ATP2C2: variants seen among roughly 807,000 people sequenced by gnomAD.
ATP2C2 encodes the protein ATPase secretory pathway Ca2+ transporting 2, also known as calcium-transporting ATPase type 2C member 2.
ATP2C2 carries 171 observed loss-of-function variants against 110.8 expected under a neutral mutation model. That is an observed-to-expected ratio of 1.54 (90% CI 1.36 to 1.75). The LOEUF (loss-of-function observed/expected upper bound fraction) is 1.75. ATP2C2 is among the 40% of genes most tolerant of loss of function. The pLI is 0.00. For missense variants in ATP2C2, 1,963 were observed against 1,235.0 expected (o/e 1.59, Z -8.84); for synonymous variants, 804 against 508.4 (o/e 1.58, Z -7.82).
intron 6 of ATP2C2, among the ~76,000 whole-genome samples, chr16:84,412,615 G>A (rs1906477209): frequency 6.6e-6 from 1 of 151,974 alleles, no homozygotes; most frequent in African/African-American, 2.4e-5. Context: ...CTCAGTCTGG[G>A]AAAACAGCTC....
At chr16:84,436,732 C>T (rs1474722468) in intron 11 of ATP2C2, among the ~76,000 whole-genome samples, 1 of 151,192 alleles carries the variant, frequency 6.6e-6, no homozygotes, top group East Asian at 2.0e-4. Context: ...CTCAAAATCT[C>T]TCCTCCCCCT....
At chr16:84,424,560 G>C (rs1907631115) in intron 10 of ATP2C2, among the ~76,000 whole-genome samples, 1 of 132,290 alleles carries the variant, frequency 7.6e-6, no homozygotes, top group Non-Finnish European at 1.6e-5. Flanking sequence ...TTACAGGCAT[G>C]AGCCACCGCA....
At chr16:84,412,323 T>TAC (rs1906397062) in intron 6 of ATP2C2, among the ~76,000 whole-genome samples, 1 of 88,488 alleles carries the variant, frequency 1.1e-5, no homozygotes, top group African/African-American at 3.8e-5. Flanking sequence ...CACGTGTGTG[T>TAC]GCGTGTGTGT....
chr16:84,383,735 C>CTG (rs143797673), intron 1 of ATP2C2, among the ~76,000 whole-genome samples: 25 of 137,684 alleles, frequency 1.8e-4, no homozygotes, highest in Admixed American at 6.6e-4. Flanking sequence ...CTGAATACAT[C>CTG]TGTGTGTGTG....
At chr16:84,447,731 TATTA>T (rs1275669894) in intron 16 of ATP2C2, among the ~76,000 whole-genome samples, 4 of 146,214 alleles carry the variant, frequency 2.7e-5, no homozygotes, top group African/African-American at 7.5e-5. Context: ...TATAAGAATA[TATTA>T]GTTATATATA....
chr16:84,409,842 G>T (rs115674144), intron 4 of ATP2C2, among the ~76,000 whole-genome samples: 1 of 152,028 alleles, frequency 6.6e-6, no homozygotes, highest in Non-Finnish European at 1.5e-5. Flanking sequence ...ACTTCTTTCC[G>T]TTTGTTCCAG....
At chr16:84,448,322 G>C (rs1909945151) in intron 16 of ATP2C2, among the ~76,000 whole-genome samples, 1 of 152,320 alleles carries the variant, frequency 6.6e-6, no homozygotes, top group South Asian at 2.1e-4. Flanking sequence ...GATTGGCCTT[G>C]TTCTTTCTCT....
At chr16:84,390,650 T>G (rs146493714) in intron 1 of ATP2C2, among the ~76,000 whole-genome samples, 567 of 152,236 alleles carry the variant, frequency 3.7e-3, no homozygotes, top group Non-Finnish European at 6.3e-3. Flanking sequence ...GCCTGCTTCC[T>G]GGGCACAGGA....
Position 84,423,204 on chromosome 16 carries a change from T to C in ATP2C2, c.860T>C (p.Leu287Ser). 6.2e-7 allele frequency: 1 copy of C among 1,614,150 alleles called. No homozygotes were observed. The highest frequency in any genetic ancestry group is 8.5e-7 in the Non-Finnish European group (1 of 1,179,998). The stretch of plus-strand genomic sequence containing the variant: ...CCCTTTCAGACACCTAAAACTCCTT[T>C]GCAGAAAAGCATGGACAGGCTAGGA... ...MQAEETPKTP[L>S]QKSMDRLGKQ... The change falls in exon 10 of 27, where the codon TTG becomes TCG. Residue 287 changes from leucine to serine, a missense_variant. Coordinates refer to ENST00000262429, the MANE Select transcript of ATP2C2 (RefSeq NM_014861.4).
At chr16:84,431,362 G>C (rs570607717) in intron 11 of ATP2C2, among the ~76,000 whole-genome samples, 2 of 152,250 alleles carry the variant, frequency 1.3e-5, no homozygotes, top group African/African-American at 4.8e-5. Flanking sequence ...GGGCATGGTG[G>C]TGTGTACCTG....
intron 7 of ATP2C2, among the ~76,000 whole-genome samples, chr16:84,419,923 C>T (rs1907177056): frequency 1.3e-5 from 2 of 152,168 alleles, no homozygotes; most frequent in South Asian, 4.1e-4. Context: ...TGGCCTGGTG[C>T]ACTCAGGGAG....
At chr16:84,399,849 C>T (rs1033540725) in intron 2 of ATP2C2, among the ~76,000 whole-genome samples, 1 of 152,160 alleles carries the variant, frequency 6.6e-6, no homozygotes, top group Admixed American at 6.5e-5. Flanking sequence ...CCAGCAAATA[C>T]TAGGTCTTAT....
intron 1 of ATP2C2, among the ~76,000 whole-genome samples, chr16:84,390,705 G>C (rs887909094): frequency 6.6e-6 from 1 of 152,158 alleles, no homozygotes; most frequent in Admixed American, 6.5e-5. Context: ...TGAGCTCCAC[G>C]TGGTGCCTGC....
chr16:84,375,293 G>A (rs1247935767), intron 1 of ATP2C2, among the ~76,000 whole-genome samples: 3 of 152,146 alleles, frequency 2.0e-5, no homozygotes, highest in African/African-American at 7.2e-5. Context: ...TGTAATCCCA[G>A]CACTTTGGGA....
intron 23 of ATP2C2, chr16:84,460,213 A>C (rs1049580682): frequency 4.6e-6 from 1 of 217,124 alleles, no homozygotes; most frequent in Admixed American, 5.3e-5. Flanking sequence ...TCACCCGGCC[A>C]CTCCCACCAT....
chr16:84,414,869 G>A (rs993429190), intron 6 of ATP2C2, among the ~76,000 whole-genome samples: 5 of 152,112 alleles, frequency 3.3e-5, no homozygotes, highest in African/African-American at 1.2e-4. Flanking sequence ...GAGCAGGAGG[G>A]GGTTGGGATC....
In ATP2C2 at chr16:84,462,182, C is replaced by T. The variant is rs906948560; in HGVS notation, c.2722+53C>T. Reference sequence around the variant, plus strand: ...TGACCTCGACCAGGGCCATGGGGGGCGGCAGCTGCCAGGTGGGGAGCTGCA... The same window carrying T: ...TGACCTCGACCAGGGCCATGGGGGGTGGCAGCTGCCAGGTGGGGAGCTGCA... On this transcript the variant is annotated intron_variant, in intron 26 of 26. Coordinates refer to ENST00000262429, the MANE Select transcript of ATP2C2 (RefSeq NM_014861.4). 126 of 1,575,728 alleles carry T rather than the reference C, an allele frequency of 8.0e-5. 1 individual carries two copies. Among genetic ancestry groups the T allele is most frequent in the African/African-American group, 5.9e-4 (44 of 74,020 alleles).
At chr16:84,454,322 T>A (rs1244977914) in intron 20 of ATP2C2, among the ~76,000 whole-genome samples, 3 of 152,172 alleles carry the variant, frequency 2.0e-5, no homozygotes, top group Non-Finnish European at 2.9e-5. Flanking sequence ...GTAGAAAATG[T>A]GCTTGGTTTT....
intron 2 of ATP2C2, among the ~76,000 whole-genome samples, chr16:84,399,363 G>C (rs922451): frequency 0.5 from 76,744 of 152,080 alleles, 19,788 homozygotes; most frequent in South Asian, 0.63. Flanking sequence ...ATTATCCCTA[G>C]CTAGAAAATG....
Sources: allele counts gnomAD v4.1 joint callset (sites outside exome capture counted in the v4.1 genomes callset), GRCh38; gene constraint gnomAD v4.1.1; transcripts MANE v1.5; gene names NCBI Gene and HGNC (gene_info 2026-07-23, HGNC 2026-07-21).